The following RASEF variants were observed in gnomAD, a reference collection of about 807,000 sequenced individuals.
RASEF encodes RAS and EF-hand domain containing.
In RASEF, 68 loss-of-function variants were observed where a neutral mutation model predicts 90.1. That is an observed-to-expected ratio of 0.75 (90% CI 0.62 to 0.92). The LOEUF is 0.92. Among genes scored for constraint, RASEF ranks in the 40% least tolerant of loss-of-function variants. The probability of loss-of-function intolerance (pLI) is 0.00; values close to 1 mark genes in which losing one functional copy is unlikely to be tolerated. For missense variants in RASEF, 949 were observed against 937.2 expected, an observed-to-expected ratio of 1.01 and a Z score of -0.16; for synonymous variants, 331 against 345.2, an observed-to-expected ratio of 0.96 and a Z score of 0.46.
chr9:82,996,597 C>T (rs191733184), intron 14 of RASEF, among the ~76,000 whole-genome samples: 34 of 152,256 alleles, frequency 2.2e-4, no homozygotes, highest in African/African-American at 6.7e-4. Flanking sequence ...ACTTGACGCA[C>T]GCTCATATCC....
chr9:82,988,746 G>A (rs1479312668), intron 16 of RASEF, among the ~76,000 whole-genome samples: 1 of 152,102 alleles, frequency 6.6e-6, no homozygotes, highest in Non-Finnish European at 1.5e-5. Flanking sequence ...CGCTCCCTGA[G>A]ATCTCACCAG....
the RASEF span, among the ~76,000 whole-genome samples, chr9:83,145,422 C>T: frequency 6.6e-6 from 1 of 151,954 alleles, no homozygotes; most frequent in Admixed American, 6.6e-5. Context: ...ATTATATTTT[C>T]CCATTTAGCT....
chr9:83,162,200 A>G, the RASEF span, among the ~76,000 whole-genome samples: 1 of 152,220 alleles, frequency 6.6e-6, no homozygotes, highest in Non-Finnish European at 1.5e-5. Context: ...ATAGTATAAT[A>G]TATTCAATAA....
the RASEF span, among the ~76,000 whole-genome samples, chr9:83,180,923 G>C: frequency 6.6e-6 from 1 of 151,886 alleles, no homozygotes; most frequent in African/African-American, 2.4e-5. Context: ...GAAAGTAAGA[G>C]TATATGTGCA....
the RASEF span, among the ~76,000 whole-genome samples, chr9:83,103,293 T>A: frequency 6.6e-6 from 1 of 152,316 alleles, no homozygotes; most frequent in East Asian, 1.9e-4. Flanking sequence ...TTATTAGTGA[T>A]GATAATATCT....
the RASEF span, among the ~76,000 whole-genome samples, chr9:83,155,776 A>G: frequency 0.33 from 50,238 of 152,082 alleles, 8,428 homozygotes; most frequent in Middle Eastern, 0.43. Context: ...TCTGGAACAA[A>G]CAAAACATAA....
chr9:83,013,232 C>T (rs539191086), intron 4 of RASEF, among the ~76,000 whole-genome samples: 3 of 152,148 alleles, frequency 2.0e-5, no homozygotes, highest in African/African-American at 7.2e-5. Context: ...CAACAAAATG[C>T]CTTTCCTACA....
chr9:82,998,755 G>A (rs920094835), intron 12 of RASEF, among the ~76,000 whole-genome samples: 2 of 152,068 alleles, frequency 1.3e-5, no homozygotes, highest in Admixed American at 6.6e-5. Context: ...GTGTGTGTGT[G>A]GGTGTGTGTA....
intron 1 of RASEF, among the ~76,000 whole-genome samples, chr9:83,041,539 T>C (rs1168345663): frequency 1.3e-5 from 2 of 152,224 alleles, no homozygotes; most frequent in East Asian, 1.9e-4. Context: ...AAAATGTTGC[T>C]GACATCTCTA....
chr9:83,026,669 C>T (rs1177017919), intron 1 of RASEF, among the ~76,000 whole-genome samples: 1 of 152,156 alleles, frequency 6.6e-6, no homozygotes, highest in Non-Finnish European at 1.5e-5. Context: ...TGAGTGGGGA[C>T]ACAGCCAAAC....
At chr9:83,116,016 G>A in the RASEF span, among the ~76,000 whole-genome samples, 1 of 152,092 alleles carries the variant, frequency 6.6e-6, no homozygotes, top group African/African-American at 2.4e-5. Context: ...CCAAAGCATT[G>A]GCATTAGTAT....
At chr9:83,137,816 A>G in the RASEF span, among the ~76,000 whole-genome samples, 2 of 151,854 alleles carry the variant, frequency 1.3e-5, no homozygotes, top group Admixed American at 6.6e-5. Context: ...ATGAATAGAA[A>G]GCAGTAAATG....
chr9:83,192,315 T>C, the RASEF span, among the ~76,000 whole-genome samples: 2 of 152,284 alleles, frequency 1.3e-5, no homozygotes, highest in African/African-American at 4.8e-5. Flanking sequence ...TAAATGCCCA[T>C]CAATGGTAGA....
At chr9:83,000,748 C>G (rs1405478697) in intron 10 of RASEF, 148 bp downstream of exon 10, 2 of 901,064 alleles carry the variant, frequency 2.2e-6, no homozygotes, top group African/African-American at 1.7e-5. Context: ...GAATTTCTCC[C>G]TAACTCTGTG....
chr9:83,070,811 G>A, the RASEF span, among the ~76,000 whole-genome samples: 1 of 152,122 alleles, frequency 6.6e-6, no homozygotes, highest in Non-Finnish European at 1.5e-5. Context: ...ACAATGTTGA[G>A]TAGGTTATGA....
chr9:83,042,699 TCTGA>T (rs141533523), intron 1 of RASEF, among the ~76,000 whole-genome samples: 4,608 of 152,110 alleles, frequency 0.03, 206 homozygotes, highest in African/African-American at 0.1. Flanking sequence ...AACTCAGGTA[TCTGA>T]CTAAGAAGAA....
the RASEF span, among the ~76,000 whole-genome samples, chr9:83,123,164 C>T: frequency 2.8e-5 from 4 of 144,398 alleles, no homozygotes; most frequent in African/African-American, 7.8e-5. Flanking sequence ...CACTTGAATC[C>T]GGGAGGCAGA....
At chr9:83,087,425 C>CTG in the RASEF span, among the ~76,000 whole-genome samples, 3,120 of 151,366 alleles carry the variant, frequency 0.021, 100 homozygotes, top group African/African-American at 0.071. Flanking sequence ...CTCTCTCTCT[C>CTG]TCTCTCTCTC....
At position 82,998,444 on chromosome 9, in the gene RASEF, C is replaced by G. The variant is rs772169308; in HGVS notation, c.1726G>C (p.Val576Leu). The change falls in exon 13 of 17, where the codon GTT becomes CTT. Residue 576 changes from valine to leucine, a missense_variant and splice_region_variant. Physicochemically the swap from Val to Leu is conservative, Grantham distance 32 (BLOSUM62 1). Transcript: ENST00000376447. ...FRENISATLG[V>L]DFQMKTLIVD... Reference sequence around the variant, plus strand: ...ATGAGGGTTTTCATTTGGAAATCAACTCCTGAAAAGGAATGTGAGAGTGGA... The same window carrying G: ...ATGAGGGTTTTCATTTGGAAATCAAGTCCTGAAAAGGAATGTGAGAGTGGA... 2 of 1,598,936 alleles carry G rather than the reference C, an allele frequency of 1.3e-6. No homozygotes were observed. Among genetic ancestry groups the G allele is most frequent in the Admixed American group, 3.3e-5 (2 of 59,964 alleles).
Sources: gnomAD v4.1 joint callset for allele counts (sites outside exome capture counted in the v4.1 genomes callset) on GRCh38, gnomAD v4.1.1 for gene constraint, MANE v1.5 for transcripts, NCBI Gene and HGNC (gene_info 2026-07-23, HGNC 2026-07-21) for gene names.